SPTBN5: variants seen among roughly 807,000 people sequenced by gnomAD.
The protein encoded by SPTBN5 is spectrin beta chain, non-erythrocytic 5.
SPTBN5 carries 513 observed loss-of-function variants against 477.6 expected under a neutral mutation model. The observed-to-expected ratio is 1.07, with a 90% CI of 1.00 to 1.16. The LOEUF is 1.16. Among genes scored for constraint, SPTBN5 ranks in the 50% most tolerant of loss-of-function variants. The pLI is 0.00. For missense variants in SPTBN5, 5,062 were observed against 4,731.8 expected (o/e 1.07, Z -2.05); for synonymous variants, 2,169 against 2,011.7 (o/e 1.08, Z -2.09).
chr15:41,880,805 G>C (rs2066924299), intron 13 of SPTBN5, among the ~76,000 whole-genome samples: 1 of 152,236 alleles, frequency 6.6e-6, no homozygotes, highest in African/African-American at 2.4e-5. Context: ...CAGCTTAAAA[G>C]TCCTTCCCTC....
intron 44 of SPTBN5, 84 bp from the exon 45 acceptor site, chr15:41,862,007 G>T: frequency 6.6e-7 from 1 of 1,525,026 alleles, no homozygotes; most frequent in Admixed American, 2.1e-5. Context: ...CTGAGGAGCG[G>T]GAGGCTGGAG....
In SPTBN5 at chr15:41,870,232, G is replaced by C; in HGVS notation, c.5673+11C>G. On this transcript the variant is annotated intron_variant, in intron 31 of 67. Coordinates refer to ENST00000320955, the MANE Select transcript of SPTBN5 (RefSeq NM_016642.4). ...GGGGCCTGGGTCGGAGAGGCAGCCAGCTGGGCTCACCTGCCGCTCGGTGCC... is the reference window on the plus strand; with the variant it reads ...GGGGCCTGGGTCGGAGAGGCAGCCACCTGGGCTCACCTGCCGCTCGGTGCC... The C allele has an allele frequency of 6.5e-7, 1 of 1,546,094 alleles. No homozygotes were observed. The highest frequency in any genetic ancestry group is 8.7e-7 in the Non-Finnish European group (1 of 1,145,278).
rs761877519 is a variant in SPTBN5 at position 41,874,895 on chromosome 15, A to G, written c.4449T>C (p.His1483=). The G allele has an allele frequency of 6.2e-7, 1 of 1,612,868 alleles. No homozygotes were observed. The highest frequency in any genetic ancestry group is 8.5e-7 in the Non-Finnish European group (1 of 1,179,558). The change falls in exon 23 of 68, where the codon CAT becomes CAC. Residue 1483 remains histidine, a synonymous_variant. Transcript: ENST00000320955. Reference sequence around the variant, plus strand: ...GGATGGCCGGGGAGGCGGCCATGCCATGGGCCATGGAGGCGAGGGCAGCCA... The same window carrying G: ...GGATGGCCGGGGAGGCGGCCATGCCGTGGGCCATGGAGGCGAGGGCAGCCA... The part of the protein sequence containing the change: ...AKMAALASMA[H]GMAASPAILE...
rs2065860024 is a variant in SPTBN5, at chr15:41,854,041, G to A, written c.9774+9C>T. The A allele has an allele frequency of 6.4e-7, 1 of 1,555,382 alleles. No homozygotes were observed. The highest frequency in any genetic ancestry group is 1.2e-5 in the South Asian group (1 of 84,958). The stretch of plus-strand genomic sequence containing the variant: ...CTCAGACAGGCAGGCTGCAGGGCGT[G>A]GGCCTCACCTCCAGGCGCCTGTGCT... On this transcript the variant is annotated intron_variant, in intron 57 of 67. Coordinates refer to ENST00000320955, the MANE Select transcript of SPTBN5 (RefSeq NM_016642.4).
At position 41,854,057 on chromosome 15, in the gene SPTBN5, C is replaced by T. The variant is rs542201823; in HGVS notation, c.9767G>A (p.Arg3256His). The T allele has an allele frequency of 2.7e-5, 42 of 1,565,806 alleles. No individual in the cohort carries two copies. Among genetic ancestry groups the T allele is most frequent in the African/African-American group, 8.1e-5 (6 of 74,174 alleles). Residue 3256 changes from arginine to histidine, a missense_variant, in exon 57 of 68, where the codon CGC becomes CAC. Physicochemically the swap from Arg to His is conservative, Grantham distance 29. Transcript: ENST00000320955. ...SVRTLQQQHR[R>H]LERELEAMEK... Reference sequence around the variant, plus strand: ...GCAGGGCGTGGGCCTCACCTCCAGGCGCCTGTGCTGTTGCTGCAGGGTCCG... The same window carrying T: ...GCAGGGCGTGGGCCTCACCTCCAGGTGCCTGTGCTGTTGCTGCAGGGTCCG...
Position 41,863,690 on chromosome 15 carries a change from T to C in SPTBN5, c.7149+14A>G. ...TGCTCACAGCCCCCACCGGGACCTCTTTCCACCACGTACCTTCTCCTGAAT... is the reference window on the plus strand; with the variant it reads ...TGCTCACAGCCCCCACCGGGACCTCCTTCCACCACGTACCTTCTCCTGAAT... On this transcript the variant is annotated intron_variant, in intron 41 of 67. Coordinates refer to ENST00000320955, the MANE Select transcript of SPTBN5 (RefSeq NM_016642.4). The C allele has an allele frequency of 6.2e-7, 1 of 1,608,996 alleles. No individual in the cohort carries two copies. The highest frequency in any genetic ancestry group is 8.5e-7 in the Non-Finnish European group (1 of 1,176,264).
intron 4 of SPTBN5, among the ~76,000 whole-genome samples, chr15:41,888,808 C>A (rs752336387): frequency 2.0e-5 from 3 of 152,242 alleles, no homozygotes; most frequent in Non-Finnish European, 4.4e-5. Context: ...GCAGGCTGCA[C>A]TTCCCCTGCC....
At chr15:41,884,145 C>T (rs1365937350) in intron 7 of SPTBN5, among the ~76,000 whole-genome samples, 1 of 152,170 alleles carries the variant, frequency 6.6e-6, no homozygotes, top group Admixed American at 6.5e-5. Flanking sequence ...GCCACCACAC[C>T]TGGCTAATTT....
At chr15:41,856,007 T>C (rs2065921321) in intron 53 of SPTBN5, among the ~76,000 whole-genome samples, 1 of 152,262 alleles carries the variant, frequency 6.6e-6, no homozygotes, top group Admixed American at 6.5e-5. Flanking sequence ...TTTTGTCACT[T>C]AAAACCAAGT....
In SPTBN5 at chr15:41,848,198, G is replaced by T; in HGVS notation, c.*418C>A. 1 of 509,808 alleles carries T rather than the reference G, an allele frequency of 2.0e-6. No homozygotes were observed. The highest frequency in any genetic ancestry group is 3.6e-5 in the East Asian group (1 of 28,098). 31.6% of individuals were successfully genotyped at this position (509,808 alleles called of 1,614,324 possible). A position where few individuals can be genotyped will look rare whatever the true frequency, so the allele number is the denominator to read the frequency against. ...TGCTGAGAAGGGCCATGTCATTCTA[G>T]GCTCTTGGCTGTACATGGCAAGGGC... On this transcript the variant is annotated 3_prime_UTR_variant, in exon 68 of 68. Transcript: ENST00000320955.
At chr15:41,863,205 C>T (rs1394059035) in intron 41 of SPTBN5, among the ~76,000 whole-genome samples, 1 of 152,248 alleles carries the variant, frequency 6.6e-6, no homozygotes, top group Non-Finnish European at 1.5e-5. Context: ...GACAGACAGG[C>T]CTGTGCCGTC....
chr15:41,893,435 C>A lies in SPTBN5; in HGVS notation c.63G>T (p.Arg21Ser). 1 of 1,611,892 alleles carries A rather than the reference C, an allele frequency of 6.2e-7. No homozygotes were observed. Among genetic ancestry groups the A allele is most frequent in the Non-Finnish European group, 8.5e-7 (1 of 1,179,620 alleles). The change falls in exon 2 of 68, where the codon AGG becomes AGT. Residue 21 changes from arginine to serine, a missense_variant. Arg to Ser is a moderately radical substitution (Grantham distance 110). Coordinates refer to ENST00000320955, the MANE Select transcript of SPTBN5 (RefSeq NM_016642.4). Reference protein sequence around the residue: ...LLGAAGHRSRRPSTELRVPPS... With the variant: ...LLGAAGHRSRSPSTELRVPPS... ...GCGGGACCCGGAGTTCTGTGCTGGG[C>A]CTCCTGCTGCGGTGCCCTGCAGCCC...
At chr15:41,863,029 T>C in intron 41 of SPTBN5, 126 bp from the exon 42 acceptor site, 1 of 816,164 alleles carries the variant, frequency 1.2e-6, no homozygotes, top group Non-Finnish European at 2.0e-6. Context: ...GGCCCCGACT[T>C]TGAGGGCCAG....
rs182120761 is a variant in SPTBN5 at position 41,864,519 on chromosome 15, G to A, written c.6919-495C>T. On this transcript the variant is annotated intron_variant, in intron 39 of 67. Coordinates refer to ENST00000320955, the MANE Select transcript of SPTBN5 (RefSeq NM_016642.4). ...CGTAGAGATGGGGTTTCACCATGTT[G>A]GCCAGGCTTGTCTCAAACTACTGAC... Among the ~76,000 whole-genome samples, 303 of 152,346 alleles carry A rather than the reference G, an allele frequency of 2.0e-3. 1 individual carries two copies. Among genetic ancestry groups the A allele is most frequent in the Non-Finnish European group, 3.7e-3 (249 of 68,038 alleles).
chr15:41,861,712 G>T lies in SPTBN5; in HGVS notation c.7737+23C>A, dbSNP rs746729200. 14 of 1,527,982 alleles carry T rather than the reference G, an allele frequency of 9.2e-6. No homozygotes were observed. In the African/African-American group the frequency reaches 1.8e-4, roughly 20 times the overall value. 94.7% of individuals were successfully genotyped at this position (1,527,982 alleles called of 1,614,324 possible). On this transcript the variant is annotated intron_variant, in intron 45 of 67. Coordinates refer to ENST00000320955, the MANE Select transcript of SPTBN5 (RefSeq NM_016642.4). ...CCCTGTTCGGGGGGGCAAGATGCAG[G>T]CTGGGGATGGGACTGTGCCTGCCTG...
At position 41,875,029 on chromosome 15, in the gene SPTBN5, C is replaced by A; in HGVS notation, c.4315G>T (p.Glu1439Ter). The change falls in exon 23 of 68, where the codon GAA becomes TAA. Residue 1439 changes from glutamate to a stop codon, truncating the protein, a stop_gained. Coordinates refer to ENST00000320955, the MANE Select transcript of SPTBN5 (RefSeq NM_016642.4). LOFTEE classifies it high-confidence loss of function. ...GTTTCCGAGCTCTGTAGGGCCCCTT[C>A]GAGCTGCTCCAGCTGCTCCTTTGCA... The part of the protein sequence containing the change: ...QDAKEQLEQL[E>*]GALQSSETGQ... 1.2e-6 allele frequency: 2 copies of A among 1,613,016 alleles called. No homozygotes were observed. The highest frequency in any genetic ancestry group is 1.7e-6 in the Non-Finnish European group (2 of 1,179,552).
Position 41,852,779 on chromosome 15 carries a change from G to GC in SPTBN5, c.10347+44_10348-44insG, listed in dbSNP as rs1555460295. ...AGGTGACGCCCAGCTTGGGGGGGGGGGCCCAGAGCCTGGTAGCCAGCTAAG... is the reference window on the plus strand; with the variant it reads ...AGGTGACGCCCAGCTTGGGGGGGGGGCGCCCAGAGCCTGGTAGCCAGCTAAG... On this transcript the variant is annotated intron_variant, in intron 60 of 67. Transcript: ENST00000320955. 3.7e-6 allele frequency: 6 copies of GC among 1,603,782 alleles called. No individual in the cohort carries two copies. In the East Asian group the frequency reaches 8.9e-5, roughly 24 times the overall value.
chr15:41,858,431 ACTT>A (rs1448654267), intron 49 of SPTBN5, among the ~76,000 whole-genome samples, 168 bp downstream of exon 49: 4 of 152,212 alleles, frequency 2.6e-5, no homozygotes, highest in African/African-American at 4.8e-5. Context: ...CCGGAAAGCA[ACTT>A]CTTCTCACTA....
chr15:41,867,404 C>T, intron 35 of SPTBN5, 134 bp downstream of exon 35: 1 of 923,264 alleles, frequency 1.1e-6, no homozygotes, highest in Admixed American at 2.0e-5. Flanking sequence ...GCTCAGTCAA[C>T]CCCAACCAGG....
Sources: gnomAD v4.1 joint callset for allele counts (sites outside exome capture counted in the v4.1 genomes callset) on GRCh38, gnomAD v4.1.1 for gene constraint, MANE v1.5 for transcripts, NCBI Gene and HGNC (gene_info 2026-07-23, HGNC 2026-07-21) for gene names.